PCDHGA3: variants seen among roughly 807,000 people sequenced by gnomAD.
The protein encoded by PCDHGA3 is protocadherin gamma-A3.
A neutral mutation model predicts 58.5 loss-of-function variants in PCDHGA3; 40 were observed. That is an observed-to-expected ratio of 0.68 (90% CI 0.53 to 0.89). The LOEUF (loss-of-function observed/expected upper bound fraction) is 0.89, where lower values mean the gene tolerates loss of function less well. PCDHGA3 is among the 40% of genes least tolerant of loss of function. The probability of loss-of-function intolerance (pLI) is 0.00; values close to 1 mark genes in which losing one functional copy is unlikely to be tolerated. For missense variants in PCDHGA3, 1,223 were observed against 1,195.9 expected (o/e 1.02, Z -0.33); for synonymous variants, 530 against 525.7 (o/e 1.01, Z -0.11).
intron 1 of PCDHGA3, chr5:141,395,187 T>C: frequency 6.2e-7 from 1 of 1,614,162 alleles, no homozygotes; most frequent in Non-Finnish European, 8.5e-7. Flanking sequence ...TGATTCTTTG[T>C]TAACATCCGT....
chr5:141,351,321 A>G, intron 1 of PCDHGA3: 1 of 1,613,890 alleles, frequency 6.2e-7, no homozygotes, highest in Non-Finnish European at 8.5e-7. Flanking sequence ...CAGATTCCAG[A>G]GGATTCAGAC....
intron 1 of PCDHGA3, chr5:141,478,227 G>A: frequency 6.2e-7 from 1 of 1,614,104 alleles, no homozygotes; most frequent in Non-Finnish European, 8.5e-7. Context: ...GTTTCTGTGG[G>A]GTTTGTGGTC....
chr5:141,364,628 C>T (rs1484570270), intron 1 of PCDHGA3: 17 of 1,613,958 alleles, frequency 1.1e-5, no homozygotes, highest in Non-Finnish European at 1.1e-5. Flanking sequence ...CGCTCAGAGC[C>T]CACTGTGTGT....
chr5:141,483,903 G>C (rs1167942546), intron 1 of PCDHGA3, among the ~76,000 whole-genome samples: 1 of 151,282 alleles, frequency 6.6e-6, no homozygotes, highest in Admixed American at 6.6e-5. Context: ...GCTCTGGTGT[G>C]TTTCCCACTC....
chr5:141,397,168 T>C (rs997043690), intron 1 of PCDHGA3, among the ~76,000 whole-genome samples: 3 of 152,202 alleles, frequency 2.0e-5, no homozygotes, highest in Non-Finnish European at 4.4e-5. Context: ...CCAATAACTC[T>C]TAAGAATGAA....
chr5:141,362,085 A>T, intron 1 of PCDHGA3: 1 of 1,613,154 alleles, frequency 6.2e-7, no homozygotes, highest in Non-Finnish European at 8.5e-7. Context: ...GTGATGGAGG[A>T]CAGCCGCCAC....
chr5:141,425,714 A>G (rs1259037833), intron 1 of PCDHGA3, among the ~76,000 whole-genome samples: 1 of 152,218 alleles, frequency 6.6e-6, no homozygotes, highest in African/African-American at 2.4e-5. Context: ...AAATTTTCCC[A>G]TACCACTTGA....
intron 1 of PCDHGA3, among the ~76,000 whole-genome samples, chr5:141,358,928 AC>A (rs1191349174): frequency 1.3e-5 from 2 of 152,242 alleles, no homozygotes; most frequent in Non-Finnish European, 2.9e-5. Flanking sequence ...TAGGGGATAT[AC>A]AACACTTTTG....
intron 1 of PCDHGA3, among the ~76,000 whole-genome samples, chr5:141,467,955 G>A (rs1049980375): frequency 2.0e-5 from 3 of 151,666 alleles, no homozygotes; most frequent in Non-Finnish European, 2.9e-5. Context: ...CACCACACCC[G>A]GCTGCCAGAA....
At chr5:141,422,153 AT>A (rs750082013) in intron 1 of PCDHGA3, 4 of 1,575,250 alleles carry the variant, frequency 2.5e-6, no homozygotes, top group Non-Finnish European at 3.4e-6. Context: ...GGGTCTCTGG[AT>A]TTTGAAAAAT....
At chr5:141,395,807 A>G (rs1561656089) in intron 1 of PCDHGA3, 1 of 152,004 alleles carries the variant, frequency 6.6e-6, no homozygotes, top group Non-Finnish European at 1.5e-5. Context: ...ATCCTTCAAA[A>G]CATGAACAAA....
At chr5:141,355,461 G>A (rs769145045) in intron 1 of PCDHGA3, 3 of 1,613,950 alleles carry the variant, frequency 1.9e-6, no homozygotes, top group East Asian at 2.2e-5. Context: ...TGGTCACCGC[G>A]GGTAGGATAG....
chr5:141,421,879 G>T (rs1458461652), intron 1 of PCDHGA3: 1 of 1,613,746 alleles, frequency 6.2e-7, no homozygotes, highest in Non-Finnish European at 8.5e-7. Context: ...AGCTTTAGAT[G>T]GAGGCGATCC....
intron 1 of PCDHGA3, chr5:141,355,735 T>C: frequency 6.2e-7 from 1 of 1,613,956 alleles, no homozygotes; most frequent in African/African-American, 1.3e-5. Flanking sequence ...CGGTTACTTT[T>C]CCCTGGACGT....
At chr5:141,474,133 C>T (rs35162249) in intron 1 of PCDHGA3, among the ~76,000 whole-genome samples, 9,247 of 152,260 alleles carry the variant, frequency 0.061, 334 homozygotes, top group South Asian at 0.12. Flanking sequence ...CAGAAAACTA[C>T]AGGCCTTATT....
chr5:141,454,893 C>T (rs1414320972), intron 1 of PCDHGA3, among the ~76,000 whole-genome samples: 7 of 146,892 alleles, frequency 4.8e-5, no homozygotes, highest in Admixed American at 1.4e-4. Flanking sequence ...CTGCTAGCAC[C>T]GCCTCCCGGG....
At chr5:141,425,822 A>G (rs1257213242) in intron 1 of PCDHGA3, among the ~76,000 whole-genome samples, 1 of 152,240 alleles carries the variant, frequency 6.6e-6, no homozygotes, top group Non-Finnish European at 1.5e-5. Context: ...GAAAAAAACA[A>G]ACTTTTAAAT....
chr5:141,375,963 G>C (rs371650654), intron 1 of PCDHGA3: 4 of 1,613,262 alleles, frequency 2.5e-6, no homozygotes, highest in Non-Finnish European at 2.5e-6. Flanking sequence ...GGCGAGGTGC[G>C]CACGGCGCGC....
chr5:141,360,870 C>A (rs972403699), intron 1 of PCDHGA3: 24 of 1,613,872 alleles, frequency 1.5e-5, no homozygotes, highest in African/African-American at 2.7e-5. Flanking sequence ...TCAGCCAGGA[C>A]GTGTACAGGG....
Sources: gnomAD v4.1 joint callset for allele counts (sites outside exome capture counted in the v4.1 genomes callset) on GRCh38, gnomAD v4.1.1 for gene constraint, MANE v1.5 for transcripts, NCBI Gene and HGNC (gene_info 2026-07-23, HGNC 2026-07-21) for gene names.